Variants in ARHGAP12 observed in about 807,000 individuals in gnomAD.
ARHGAP12 encodes the protein rho GTPase-activating protein 12.
ARHGAP12 carries 64 observed loss-of-function variants against 108.6 expected under a neutral mutation model. The observed-to-expected ratio is 0.59, with a 90% confidence interval of 0.48 to 0.73. ARHGAP12 has a LOEUF of 0.73. Ranked by LOEUF, ARHGAP12 falls within the 30% of genes least tolerant of loss-of-function variation. The pLI, the probability that ARHGAP12 is intolerant of heterozygous loss-of-function variation, is 0.00. For synonymous variants in ARHGAP12, 312 were observed against 337.2 expected, an observed-to-expected ratio of 0.93 and a Z score of 0.82; for missense variants, 940 against 1,005.9, an observed-to-expected ratio of 0.93 and a Z score of 0.89.
rs1028357624 is a variant in ARHGAP12 at position 31,915,216 on chromosome 10, G to A, written c.-110-4653C>T. 7.2e-5 allele frequency among the ~76,000 whole-genome samples: 11 copies of A among 152,048 alleles called. No individual in the cohort carries two copies. The South Asian group carries it at 1.7e-3, about 23-fold the overall frequency. On this transcript the variant is annotated intron_variant, in intron 1 of 19. Transcript: ENST00000344936. ...AGCCTGACCAACATGGAGAAACTCC[G>A]TCTCTACTAAAAATACAAAATTAGC...
At chr10:31,886,447 A>G (rs1838193093) in intron 3 of ARHGAP12, among the ~76,000 whole-genome samples, 1 of 152,172 alleles carries the variant, frequency 6.6e-6, no homozygotes, top group South Asian at 2.1e-4. Flanking sequence ...TTGGCCTTTA[A>G]ATATAACACC....
intron 9 of ARHGAP12, among the ~76,000 whole-genome samples, chr10:31,838,364 A>G (rs1016851082): frequency 9.9e-5 from 15 of 152,168 alleles, no homozygotes; most frequent in African/African-American, 3.6e-4. Flanking sequence ...TGTCATGCTC[A>G]TTAAGAATTT....
chr10:31,910,761 G>A (rs1386004902), intron 1 of ARHGAP12, among the ~76,000 whole-genome samples, 198 bp from the exon 2 acceptor site: 1 of 152,134 alleles, frequency 6.6e-6, no homozygotes, highest in Non-Finnish European at 1.5e-5. Flanking sequence ...ACTGAGGCTG[G>A]CTTTACCACT....
rs759888384 is a variant in ARHGAP12, at chr10:31,854,106, C to T, written c.1049G>A (p.Arg350His). Residue 350 changes from arginine (R) to histidine (H), a missense_variant, in exon 5 of 20, where the codon CGT (arginine) becomes CAT (histidine). By Grantham distance (29) the Arg-to-His change is conservative. Transcript: ENST00000344936. The part of the protein sequence containing the change: ...PRGWSEELDE[R>H]GHTLYTSDYT... ...GTCACTGGTATATAAGGTATGCCCACGTTCATCCAACTCTTCTGACCAACC... is the reference window on the plus strand; with the variant it reads ...GTCACTGGTATATAAGGTATGCCCATGTTCATCCAACTCTTCTGACCAACC... The T allele has an allele frequency of 1.4e-5, 23 of 1,613,622 alleles. No individual in the cohort carries two copies. The highest frequency in any genetic ancestry group is 9.9e-5 in the South Asian group (9 of 91,012).
chr10:31,827,699 G>C (rs1489068889), intron 10 of ARHGAP12, among the ~76,000 whole-genome samples: 1 of 151,882 alleles, frequency 6.6e-6, no homozygotes. Context: ...GCTGAGGCAG[G>C]AGAATGGCGT....
Position 31,808,750 on chromosome 10 carries a change from C to T in ARHGAP12, c.2265G>A (p.Lys755=), listed in dbSNP as rs1453752189. 6.2e-7 allele frequency: 1 copy of T among 1,612,416 alleles called. No homozygotes were observed. Residue 755 remains lysine (K), a splice_region_variant and synonymous_variant, in exon 19 of 20, where the codon AAG becomes AAA. Transcript: ENST00000344936. Reference sequence around the variant, plus strand: ...CAGCGACTCGCTGTCTTGGTTCTTGCTCTGAAAAAAGATAATAACCAGATA... The same window carrying T: ...CAGCGACTCGCTGTCTTGGTTCTTGTTCTGAAAAAAGATAATAACCAGATA... ...NHFNDFVNAI[K]QEPRQRVAAV... is the part of the protein sequence containing the mutation.
At chr10:31,817,547 C>A (rs576524357) in intron 13 of ARHGAP12, among the ~76,000 whole-genome samples, 1 of 152,188 alleles carries the variant, frequency 6.6e-6, no homozygotes, top group Non-Finnish European at 1.5e-5. Context: ...TCTTTTCAGC[C>A]AATGCCTGAT....
In ARHGAP12 at chr10:31,826,250, A is replaced by G. The variant is rs112539437; in HGVS notation, c.1530+54T>C. On this transcript the variant is annotated intron_variant, in intron 11 of 19. Transcript: ENST00000344936. ...AATTACCTCCTGAAATTCAGGTACG[A>G]TACTATTCACATAATTTAAATGTAT... 5.8e-5 allele frequency: 82 copies of G among 1,423,800 alleles called. No individual in the cohort carries two copies. The African/African-American group carries it at 7.5e-4, about 13-fold the overall frequency. The allele number at this position is 1,423,800 out of a possible 1,614,324, so 88.2% of individuals were successfully genotyped here.
intron 1 of ARHGAP12, among the ~76,000 whole-genome samples, chr10:31,915,967 T>G (rs1220225887): frequency 6.6e-6 from 1 of 152,220 alleles, no homozygotes. Context: ...AGTTTTAATT[T>G]TGGGTTGTTT....
chr10:31,914,669 G>A (rs1436818267), intron 1 of ARHGAP12, among the ~76,000 whole-genome samples: 1 of 152,120 alleles, frequency 6.6e-6, no homozygotes, highest in Non-Finnish European at 1.5e-5. Flanking sequence ...GGAGAAAGGG[G>A]AACCTTTATA....
chr10:31,832,341 T>C (rs1245433785), intron 9 of ARHGAP12, among the ~76,000 whole-genome samples: 1 of 152,212 alleles, frequency 6.6e-6, no homozygotes, highest in African/African-American at 2.4e-5. Flanking sequence ...AAATTCAGCA[T>C]GTGCTTCATT....
chr10:31,896,980 A>AT (rs35626570), intron 3 of ARHGAP12, among the ~76,000 whole-genome samples: 80,443 of 151,874 alleles, frequency 0.53, 21,829 homozygotes, highest in African/African-American at 0.63. Context: ...GAACATTTAA[A>AT]GGTCATTTCA....
intron 7 of ARHGAP12, among the ~76,000 whole-genome samples, chr10:31,840,777 T>C (rs1836234500): frequency 1.3e-5 from 2 of 152,098 alleles, no homozygotes; most frequent in South Asian, 4.1e-4. Context: ...AATTTGTAAA[T>C]ACAGAAACTA....
At chr10:31,925,757 G>A (rs1840009801) in intron 1 of ARHGAP12, among the ~76,000 whole-genome samples, 1 of 152,146 alleles carries the variant, frequency 6.6e-6, no homozygotes, top group African/African-American at 2.4e-5. Context: ...TACACTTTTA[G>A]ACTCCAAAAC....
At chr10:31,869,410 G>A (rs947045173) in intron 3 of ARHGAP12, among the ~76,000 whole-genome samples, 15 of 151,986 alleles carry the variant, frequency 9.9e-5, no homozygotes, top group Non-Finnish European at 2.2e-4. Context: ...GGTGGTGGGC[G>A]CCTGTAATCC....
At chr10:31,826,196 A>C in intron 11 of ARHGAP12, 108 bp downstream of exon 11, 1 of 744,554 alleles carries the variant, frequency 1.3e-6, no homozygotes, top group Admixed American at 3.1e-5. Context: ...TTTTATTTGC[A>C]CACTAGCTAT....
intron 11 of ARHGAP12, among the ~76,000 whole-genome samples, chr10:31,823,491 T>A (rs952442367): frequency 3.4e-5 from 5 of 148,566 alleles, no homozygotes; most frequent in African/African-American, 1.3e-4. Flanking sequence ...AAAAAAAAAA[T>A]CAATACGAAC....
chr10:31,874,973 CAAAAAAAAAAAAAAA>C (rs59050160), intron 3 of ARHGAP12, among the ~76,000 whole-genome samples: 720 of 58,404 alleles, frequency 0.012, 10 homozygotes, highest in Non-Finnish European at 0.017. Context: ...GACTCTGTCT[CAAAAAAAAAAAAAAA>C]AAAAAAAAAA....
At chr10:31,843,710 C>T in intron 6 of ARHGAP12, 124 bp from the exon 7 acceptor site, 3 of 1,140,484 alleles carry the variant, frequency 2.6e-6, no homozygotes, top group Non-Finnish European at 3.6e-6. Flanking sequence ...TATGACATCT[C>T]CACAAATTTT....
Sources: allele counts gnomAD v4.1 joint callset (sites outside exome capture counted in the v4.1 genomes callset), GRCh38; gene constraint gnomAD v4.1.1; transcripts MANE v1.5; gene names NCBI Gene and HGNC (gene_info 2026-07-23, HGNC 2026-07-21).